Variants in CALCRL observed in about 807,000 individuals in gnomAD.
The protein encoded by CALCRL is calcitonin gene-related peptide type 1 receptor.
CALCRL carries 27 observed loss-of-function variants against 60.4 expected under a neutral mutation model. The ratio of observed to expected loss-of-function variants is 0.45; its 90% CI spans 0.33 to 0.62. The LOEUF is 0.62. Among genes scored for constraint, CALCRL ranks in the 20% least tolerant of loss-of-function variants. CALCRL has a pLI of 0.03. For synonymous variants in CALCRL, 190 were observed against 182.6 expected, an observed-to-expected ratio of 1.04 and a Z score of -0.33; for missense variants, 424 against 540.7, an observed-to-expected ratio of 0.78 and a Z score of 2.14.
chr2:187,403,374 G>A (rs973611885), intron 1 of CALCRL, among the ~76,000 whole-genome samples: 11 of 151,686 alleles, frequency 7.3e-5, no homozygotes, highest in African/African-American at 2.7e-4. Flanking sequence ...ACATCTTGAA[G>A]AAAAAATTGT....
At chr2:187,356,177 G>A (rs1686775526) in intron 12 of CALCRL, among the ~76,000 whole-genome samples, 1 of 151,998 alleles carries the variant, frequency 6.6e-6, no homozygotes, top group Non-Finnish European at 1.5e-5. Flanking sequence ...ACCAAAAAAA[G>A]AGCCTGTATA....
At chr2:187,415,624 G>A in intron 1 of CALCRL, 1 of 614,748 alleles carries the variant, frequency 1.6e-6, no homozygotes, top group East Asian at 3.7e-5. Flanking sequence ...CAAGAAGGTG[G>A]TGAACCAGGC....
intron 1 of CALCRL, among the ~76,000 whole-genome samples, chr2:187,416,310 T>C (rs548164786): frequency 1.3e-3 from 205 of 152,314 alleles, no homozygotes; most frequent in Non-Finnish European, 2.2e-3. Context: ...TTATAATTTC[T>C]GTGTGTAAAT....
intron 1 of CALCRL, among the ~76,000 whole-genome samples, chr2:187,393,912 G>A (rs1688555385): frequency 6.6e-6 from 1 of 152,182 alleles, no homozygotes; most frequent in East Asian, 1.9e-4. Context: ...GATTCATGTG[G>A]TAGGCAGAAT....
In CALCRL at chr2:187,346,533, T is replaced by C. The variant is rs188797129; in HGVS notation, c.1171-134A>G. 11 of 595,954 alleles carry C rather than the reference T, an allele frequency of 1.8e-5. No homozygotes were observed. The African/African-American group carries it at 1.9e-4, about 10-fold the overall frequency. The allele number at this position is 595,954 out of a possible 1,614,324, so 36.9% of individuals were successfully genotyped here. A position where few individuals can be genotyped will look rare whatever the true frequency, so the allele number is the denominator to read the frequency against. ...AAAAGTTATGTTAATCAGTGAATAA[T>C]ATAGCTTCATTTTCTTAATTTAAAA... On this transcript the variant is annotated intron_variant, in intron 14 of 14. Transcript: ENST00000392370.
intron 8 of CALCRL, among the ~76,000 whole-genome samples, chr2:187,365,914 G>A (rs561786927): frequency 6.6e-6 from 1 of 152,228 alleles, no homozygotes; most frequent in East Asian, 1.9e-4. Context: ...GTGGAGATGG[G>A]GAGAGATTTG....
intron 1 of CALCRL, among the ~76,000 whole-genome samples, chr2:187,424,143 A>G (rs533795444): frequency 6.6e-6 from 1 of 152,178 alleles, no homozygotes; most frequent in South Asian, 2.1e-4. Context: ...CCTAAAAAAA[A>G]TAAGAATGGT....
intron 4 of CALCRL, among the ~76,000 whole-genome samples, chr2:187,385,293 T>G (rs915115306): frequency 2.0e-5 from 3 of 152,154 alleles, no homozygotes; most frequent in Non-Finnish European, 4.4e-5. Flanking sequence ...TTTCAATCTC[T>G]GATTACTTTC....
intron 1 of CALCRL, among the ~76,000 whole-genome samples, chr2:187,435,861 T>C (rs1458831248): frequency 4.9e-4 from 72 of 148,134 alleles, no homozygotes; most frequent in Middle Eastern, 7.0e-3. Flanking sequence ...TGTGTGTGTT[T>C]GTGCGTGCGT....
At chr2:187,434,003 G>A (rs749092793) in intron 1 of CALCRL, among the ~76,000 whole-genome samples, 4 of 150,950 alleles carry the variant, frequency 2.6e-5, no homozygotes, top group Non-Finnish European at 5.9e-5. Context: ...TTGTAAATGT[G>A]CAACCAATTT....
chr2:187,403,945 C>G (rs184500921), intron 1 of CALCRL, among the ~76,000 whole-genome samples: 3 of 151,874 alleles, frequency 2.0e-5, no homozygotes, highest in East Asian at 3.9e-4. Context: ...TGAGAACTGC[C>G]GCTTAAGAAC....
At chr2:187,347,416 C>T (rs1171535043) in intron 14 of CALCRL, among the ~76,000 whole-genome samples, 4 of 151,778 alleles carry the variant, frequency 2.6e-5, no homozygotes, top group African/African-American at 9.7e-5. Flanking sequence ...CTCTTTGGCT[C>T]TTTCAGTGCT....
At chr2:187,351,378 A>G (rs1686526165) in intron 14 of CALCRL, among the ~76,000 whole-genome samples, 2 of 151,836 alleles carry the variant, frequency 1.3e-5, no homozygotes, top group Non-Finnish European at 2.9e-5. Flanking sequence ...GAAGTACTGA[A>G]GAGTACATGG....
intron 1 of CALCRL, chr2:187,428,689 T>G (rs542974766): frequency 6.6e-6 from 1 of 152,236 alleles, no homozygotes; most frequent in African/African-American, 2.4e-5. Flanking sequence ...GTCGGGAGAT[T>G]GAGACCATCC....
At chr2:187,380,250 AC>A (rs1412040727) in intron 7 of CALCRL, among the ~76,000 whole-genome samples, 6 of 152,344 alleles carry the variant, frequency 3.9e-5, no homozygotes, top group African/African-American at 1.4e-4. Flanking sequence ...TGTAAATTAC[AC>A]TATTACCTAA....
intron 1 of CALCRL, among the ~76,000 whole-genome samples, chr2:187,405,385 A>G (rs1048567807): frequency 3.3e-5 from 5 of 152,010 alleles, no homozygotes; most frequent in African/African-American, 1.2e-4. Context: ...TGTCTCCAAA[A>G]TCACTTGTTT....
At position 187,352,186 on chromosome 2, in the gene CALCRL, A is replaced by C; in HGVS notation, c.1056T>G (p.Ile352Met). The C allele has an allele frequency of 6.2e-7, 1 of 1,612,444 alleles. No homozygotes were observed. The highest frequency in any genetic ancestry group is 1.1e-5 in the South Asian group (1 of 91,058). ...VPLLGIEFVL[I>M]PWRPEGKIAE... ...CAATCTTTCCTTCAGGTCGCCATGG[A>C]ATCAGCACAAATTCAATGCCAAGCA... Residue 352 changes from isoleucine to methionine, a missense_variant, in exon 13 of 15, where the codon ATT becomes ATG. Ile to Met is a conservative substitution (Grantham distance 10). This residue lies in a region of CALCRL where 222 missense variants were observed against 265.6 expected (regional missense o/e 0.84). Transcript: ENST00000392370.
At chr2:187,374,385 T>G (rs773169592) in intron 8 of CALCRL, among the ~76,000 whole-genome samples, 2 of 152,174 alleles carry the variant, frequency 1.3e-5, no homozygotes, top group African/African-American at 2.4e-5. Flanking sequence ...ATTAAAATAA[T>G]GAAGTGAGCT....
chr2:187,404,352 G>A (rs1179205624), intron 1 of CALCRL, among the ~76,000 whole-genome samples: 1 of 151,810 alleles, frequency 6.6e-6, no homozygotes, highest in East Asian at 1.9e-4. Flanking sequence ...AAAACATCTA[G>A]TGAAAAATCT....
Sources: gnomAD v4.1 joint callset for allele counts (sites outside exome capture counted in the v4.1 genomes callset) on GRCh38, gnomAD v4.1.1 for gene constraint, gnomAD v4.1.1 regional missense constraint, MANE v1.5 for transcripts, NCBI Gene and HGNC (gene_info 2026-07-23, HGNC 2026-07-21) for gene names.